Variants in KIF17 observed in about 807,000 individuals in gnomAD.
KIF17 encodes kinesin family member 17.
A neutral mutation model predicts 96.8 loss-of-function variants in KIF17; 80 were observed. The observed-to-expected ratio is 0.83, with a 90% confidence interval of 0.69 to 1.00. KIF17 has a LOEUF of 1.00. KIF17 is among the 50% of genes least tolerant of loss of function. KIF17 has a pLI of 0.00. For synonymous variants in KIF17, 567 were observed against 587.5 expected, an observed-to-expected ratio of 0.97 and a Z score of 0.51; for missense variants, 1,280 against 1,372.9, an observed-to-expected ratio of 0.93 and a Z score of 1.07.
downstream of KIF17, among the ~76,000 whole-genome samples, chr1:20,662,088 G>T (rs988680674): frequency 2.0e-5 from 3 of 152,240 alleles, no homozygotes; most frequent in African/African-American, 7.2e-5. Flanking sequence ...CTGTAAATAG[G>T]ACTAAGGACG....
At chr1:20,689,380 G>A (rs1004804669) in intron 7 of KIF17, among the ~76,000 whole-genome samples, 9 of 152,216 alleles carry the variant, frequency 5.9e-5, no homozygotes, top group Non-Finnish European at 1.3e-4. Context: ...GCTGAGTGCA[G>A]TGGCTCATGC....
rs57045862 is a variant in KIF17, at chr1:20,716,520, C to T, written c.232-881G>A. 9.2e-3 allele frequency among the ~76,000 whole-genome samples: 1,403 copies of T among 152,312 alleles called. 19 individuals are homozygous for T. Among genetic ancestry groups the T allele is most frequent in the African/African-American group, 0.033 (1,354 of 41,566 alleles). On this transcript the variant is annotated intron_variant, in intron 1 of 14. Transcript: ENST00000400463. ...CGAAAACAGGATGGCACAGGAAGAA[C>T]GAAGCACAGCTTTCCAGGCGGCAAA...
intron 7 of KIF17, 97 bp from the exon 8 acceptor site, chr1:20,688,041 T>C (rs992315909): frequency 1.8e-6 from 2 of 1,101,398 alleles, no homozygotes; most frequent in Non-Finnish European, 2.7e-6. Context: ...GTTTTTTTTG[T>C]TTGTTTTTTT....
intron 2 of KIF17, 102 bp from the exon 3 acceptor site, chr1:20,713,657 G>T: frequency 1.2e-6 from 1 of 830,538 alleles, no homozygotes; most frequent in Non-Finnish European, 2.0e-6. Context: ...AGGACATCAT[G>T]GGAGGAGAAG....
intron 1 of KIF17, among the ~76,000 whole-genome samples, chr1:20,716,848 T>C (rs2054586720): frequency 6.6e-6 from 1 of 152,224 alleles, no homozygotes; most frequent in Non-Finnish European, 1.5e-5. Flanking sequence ...GTTCCTGCCC[T>C]TGCAGAGCTC....
At position 20,685,846 on chromosome 1, in the gene KIF17, C is replaced by A. The variant is rs1164722079; in HGVS notation, c.2019+200G>T. ...ACCATCTAGAACAACAGGCCACTTT[C>A]ACTCCATAAGAAGAAGATGATGGTT... On this transcript the variant is annotated intron_variant, in intron 9 of 14. Coordinates refer to ENST00000400463, the MANE Select transcript of KIF17 (RefSeq NM_001122819.3). The surrounding 1 kb of genome is among the most constrained non-coding windows in gnomAD (Gnocchi z 4.1). 6.6e-6 allele frequency among the ~76,000 whole-genome samples: 1 copy of A among 152,230 alleles called. No individual in the cohort carries two copies. The highest frequency in any genetic ancestry group is 1.5e-5 in the Non-Finnish European group (1 of 68,046).
intron 11 of KIF17, among the ~76,000 whole-genome samples, chr1:20,674,483 T>G (rs778904205): frequency 2.6e-5 from 4 of 152,064 alleles, no homozygotes. Flanking sequence ...CAGGCTGGTC[T>G]TGAACTCCTG....
chr1:20,715,354 C>T (rs1013248177), intron 2 of KIF17, 139 bp downstream of exon 2: 2 of 1,134,846 alleles, frequency 1.8e-6, no homozygotes, highest in East Asian at 4.8e-5. Flanking sequence ...ACCACCTTTT[C>T]AGAACCCAGA....
chr1:20,678,479 T>C (rs752320358), intron 11 of KIF17, among the ~76,000 whole-genome samples: 32 of 152,070 alleles, frequency 2.1e-4, no homozygotes, highest in Non-Finnish European at 3.5e-4. Context: ...CATCTAAGCC[T>C]GAATCTCTCC....
downstream of KIF17, among the ~76,000 whole-genome samples, chr1:20,662,259 C>G (rs1378168067): frequency 9.2e-5 from 14 of 152,186 alleles, no homozygotes; most frequent in Non-Finnish European, 2.1e-4. Context: ...TAGGTTAATA[C>G]AGAGGCCACC....
At position 20,685,029 on chromosome 1, in the gene KIF17, G is replaced by A. The variant is rs1380222323; in HGVS notation, c.2020-9C>T. The A allele has an allele frequency of 6.3e-7, 1 of 1,578,666 alleles. No individual in the cohort carries two copies. The highest frequency in any genetic ancestry group is 8.6e-7 in the Non-Finnish European group (1 of 1,161,704). On this transcript the variant is annotated splice_polypyrimidine_tract_variant and intron_variant, in intron 9 of 14. Coordinates refer to ENST00000400463, the MANE Select transcript of KIF17 (RefSeq NM_001122819.3). This position sits in a 1 kb window ranked among gnomAD's most constrained non-coding sequence, Gnocchi z 4.1. ...GAGGCCAGATCTACCTCCTGAGTGTGAAGAGAAACCCAGGTGGAGGTGGGA... is the reference window on the plus strand; with the variant it reads ...GAGGCCAGATCTACCTCCTGAGTGTAAAGAGAAACCCAGGTGGAGGTGGGA...
chr1:20,687,633 A>T lies in KIF17; in HGVS notation c.1693T>A (p.Ser565Thr). ...GPEEPSNVEV[S>T]MPTEESRSRY... ...CTCCTGGACTCCTCAGTGGGCATGG[A>T]GACCTCCACGTTGGAGGGCTCCTCA... Residue 565 changes from serine (S) to threonine (T), a missense_variant, in exon 8 of 15, where the codon TCC becomes ACC. Ser to Thr is a moderately conservative substitution (Grantham distance 58). Transcript: ENST00000400463. This position sits in a 1 kb window ranked among gnomAD's most constrained non-coding sequence, Gnocchi z 4.4. 6.2e-7 allele frequency: 1 copy of T among 1,614,166 alleles called. No homozygotes were observed. The highest frequency in any genetic ancestry group is 8.5e-7 in the Non-Finnish European group (1 of 1,180,022).
intron 10 of KIF17, 94 bp downstream of exon 10, chr1:20,684,714 TG>T: frequency 7.9e-7 from 1 of 1,260,834 alleles, no homozygotes. Context: ...AAGGGAGAGC[TG>T]GGAGGAAGCT....
chr1:20,676,755 TG>T (rs1345570092), intron 11 of KIF17, among the ~76,000 whole-genome samples: 2 of 150,576 alleles, frequency 1.3e-5, no homozygotes, highest in Admixed American at 1.3e-4. Flanking sequence ...CACTTGAACC[TG>T]GGGGGCGAAG....
intron 5 of KIF17, among the ~76,000 whole-genome samples, chr1:20,703,943 A>G (rs1167336019): frequency 1.4e-5 from 2 of 139,412 alleles, no homozygotes; most frequent in Admixed American, 6.9e-5. Context: ...AAAAAAAAAA[A>G]GAGTCCTTCA....
intron 5 of KIF17, among the ~76,000 whole-genome samples, chr1:20,703,495 G>C (rs1200691436): frequency 3.1e-4 from 35 of 114,200 alleles, no homozygotes; most frequent in East Asian, 9.9e-4. Flanking sequence ...TAGATGGATG[G>C]ATGCATGGAT....
intron 7 of KIF17, among the ~76,000 whole-genome samples, chr1:20,689,659 G>T (rs1368773446): frequency 9.3e-6 from 1 of 107,108 alleles, no homozygotes; most frequent in African/African-American, 4.5e-5. Flanking sequence ...TCAAAACAAA[G>T]AAATTTTTTT....
intron 8 of KIF17, chr1:20,686,472 TAC>T (rs1325202997): frequency 9.9e-5 from 39 of 394,594 alleles, no homozygotes; most frequent in African/African-American, 1.8e-4. Flanking sequence ...TCTCTCTAAA[TAC>T]ACACACACAG....
At chr1:20,703,133 A>G (rs1329522905) in intron 5 of KIF17, among the ~76,000 whole-genome samples, 2 of 151,770 alleles carry the variant, frequency 1.3e-5, no homozygotes, top group East Asian at 3.9e-4. Flanking sequence ...TGAATGGAAG[A>G]TGGGTAGGTG....
Sources: gnomAD v4.1 joint callset for allele counts (sites outside exome capture counted in the v4.1 genomes callset) on GRCh38, gnomAD v4.1.1 for gene constraint, Gnocchi (gnomAD v3.1) non-coding constraint, MANE v1.5 for transcripts, NCBI Gene and HGNC (gene_info 2026-07-23, HGNC 2026-07-21) for gene names.